SMC4: variants seen among roughly 807,000 people sequenced by gnomAD.
SMC4 encodes structural maintenance of chromosomes 4, also known as structural maintenance of chromosomes protein 4.
In SMC4, 87 loss-of-function variants were observed where a neutral mutation model predicts 145.6. The observed-to-expected ratio is 0.60, with a 90% CI of 0.50 to 0.71. The LOEUF (loss-of-function observed/expected upper bound fraction) is 0.71, where lower values mean the gene tolerates loss of function less well. Ranked by LOEUF, SMC4 falls within the 30% of genes least tolerant of loss-of-function variation. The pLI, the probability that SMC4 is intolerant of heterozygous loss-of-function variation, is 0.00. For synonymous variants in SMC4, 558 were observed against 500.7 expected (o/e 1.11, Z -1.53); for missense variants, 1,447 against 1,537.1 (o/e 0.94, Z 0.98).
At chr3:160,408,446 C>G (rs1715592269) in intron 5 of SMC4, among the ~76,000 whole-genome samples, 1 of 152,136 alleles carries the variant, frequency 6.6e-6, no homozygotes, top group Non-Finnish European at 1.5e-5. Context: ...CATTTAAGAC[C>G]TTGTTTCATA....
At chr3:160,418,717 A>G (rs968215564) in intron 11 of SMC4, among the ~76,000 whole-genome samples, 1 of 152,148 alleles carries the variant, frequency 6.6e-6, no homozygotes, top group African/African-American at 2.4e-5. Context: ...ATGCCAGTAC[A>G]GTAAGTAATA....
intron 3 of SMC4, 113 bp from the exon 4 acceptor site, chr3:160,402,563 T>A: frequency 9.4e-7 from 1 of 1,059,876 alleles, no homozygotes; most frequent in Non-Finnish European, 1.4e-6. Flanking sequence ...AACTTTTAAA[T>A]ACTTGCAGTT....
rs542979274 is a variant in SMC4, at chr3:160,434,425, A to G, written c.*616A>G. ...CTCGTAAGTTGAAAAATATCCCACTATAGTTGCTTCATGAGTATGAAGTAA... is the reference window on the plus strand; with the variant it reads ...CTCGTAAGTTGAAAAATATCCCACTGTAGTTGCTTCATGAGTATGAAGTAA... On this transcript the variant is annotated 3_prime_UTR_variant, in exon 24 of 24. Coordinates refer to ENST00000357388, the MANE Select transcript of SMC4 (RefSeq NM_001002800.3). The G allele has an allele frequency of 7.2e-5, 11 of 152,286 alleles. No homozygotes were observed. Among genetic ancestry groups the G allele is most frequent in the Non-Finnish European group, 1.3e-4 (9 of 68,038 alleles). 9.4% of individuals were successfully genotyped at this position (152,286 alleles called of 1,614,324 possible).
In SMC4 at chr3:160,404,571, G is replaced by A. The variant is rs373085568; in HGVS notation, c.687+67G>A. The stretch of plus-strand genomic sequence containing the variant: ...ACTTTTTTTTCTATAAAGCTAGGTT[G>A]GATGAATCCTACATTTTTGAGGCCT... On this transcript the variant is annotated intron_variant, in intron 5 of 23. Transcript: ENST00000357388. 52 of 1,485,098 alleles carry A rather than the reference G, an allele frequency of 3.5e-5. No individual in the cohort carries two copies. The African/African-American group carries it at 6.9e-4, about 20-fold the overall frequency. The allele number at this position is 1,485,098 out of a possible 1,614,324, so 92.0% of individuals were successfully genotyped here.
intron 2 of SMC4, 83 bp downstream of exon 2, chr3:160,401,048 T>G: frequency 1.5e-6 from 2 of 1,344,214 alleles, no homozygotes; most frequent in Non-Finnish European, 1.9e-6. Flanking sequence ...TGGCTGGGGT[T>G]GTTGAGCGCG....
At position 160,430,689 on chromosome 3, in the gene SMC4, G is replaced by A; in HGVS notation, c.2886G>A (p.Leu962=). The A allele has an allele frequency of 1.2e-6, 2 of 1,613,790 alleles. No individual in the cohort carries two copies. The highest frequency in any genetic ancestry group is 2.2e-5 in the East Asian group (1 of 44,830). The part of the protein sequence containing the change: ...EKEVDDLTAE[L]KSLEDKAAEV... Reference sequence around the variant, plus strand: ...AGGTGGATGACCTAACAGCAGAGCTGAAAAGTCTTGAGGACAAAGCAGCAG... The same window carrying A: ...AGGTGGATGACCTAACAGCAGAGCTAAAAAGTCTTGAGGACAAAGCAGCAG... Residue 962 remains leucine, a synonymous_variant, in exon 19 of 24, where the codon CTG becomes CTA. Transcript: ENST00000357388.
intron 2 of SMC4, among the ~76,000 whole-genome samples, chr3:160,401,369 A>T (rs1484314837): frequency 6.6e-6 from 1 of 151,978 alleles, no homozygotes; most frequent in Non-Finnish European, 1.5e-5. Flanking sequence ...CCCTAACCTC[A>T]CCTCCGTGGT....
intron 4 of SMC4, 173 bp from the exon 5 acceptor site, chr3:160,404,155 T>C (rs1715041597): frequency 5.2e-6 from 3 of 572,554 alleles, no homozygotes; most frequent in Non-Finnish European, 8.9e-6. Context: ...TGGAAAAGTA[T>C]CAATTCTTTG....
chr3:160,425,836 T>C (rs1409549465), intron 16 of SMC4, among the ~76,000 whole-genome samples: 2 of 152,198 alleles, frequency 1.3e-5, no homozygotes, highest in Admixed American at 1.3e-4. Flanking sequence ...ACTAGGGTGG[T>C]CTACATAAGT....
chr3:160,413,449 T>C (rs560178937), intron 7 of SMC4, 24 bp from the exon 8 acceptor site: 57 of 354,412 alleles, frequency 1.6e-4, no homozygotes, highest in African/African-American at 1.4e-3. Context: ...CTTCAATTTC[T>C]TTTTTTTTTT....
At position 160,402,064 on chromosome 3, in the gene SMC4, G is replaced by A; in HGVS notation, c.289G>A (p.Gly97Arg). ...IVNQNFKSYA[G>R]EKILGPFHKR... ...AAACCAGAACTTCAAATCCTATGCT[G>A]GGGAGAAAATTCTGGGACCTTTCCA... The change falls in exon 3 of 24, where the codon GGG (glycine) becomes AGG (arginine). Residue 97 changes from glycine to arginine, a missense_variant. Coordinates refer to ENST00000357388, the MANE Select transcript of SMC4 (RefSeq NM_001002800.3). 1 of 1,551,574 alleles carries A rather than the reference G, an allele frequency of 6.4e-7. No individual in the cohort carries two copies. Among genetic ancestry groups the A allele is most frequent in the South Asian group, 1.3e-5 (1 of 79,462 alleles).
chr3:160,413,351 C>A, intron 7 of SMC4, 122 bp from the exon 8 acceptor site: 1 of 903,866 alleles, frequency 1.1e-6, no homozygotes, highest in Non-Finnish European at 1.6e-6. Context: ...ATAGCCTAGG[C>A]AGTCATATAT....
At chr3:160,402,982 G>A in intron 4 of SMC4, 115 bp downstream of exon 4, 1 of 708,852 alleles carries the variant, frequency 1.4e-6, no homozygotes, top group South Asian at 2.3e-5. Flanking sequence ...GGAAAGCATT[G>A]GTTTCATTAT....
At chr3:160,427,401 G>C (rs1468002441) in intron 17 of SMC4, among the ~76,000 whole-genome samples, 1 of 152,204 alleles carries the variant, frequency 6.6e-6, no homozygotes, top group Non-Finnish European at 1.5e-5. Context: ...ATAAAGGACG[G>C]AAGAACCCAG....
chr3:160,403,470 A>G (rs1007684133), intron 4 of SMC4, among the ~76,000 whole-genome samples: 1 of 152,148 alleles, frequency 6.6e-6, no homozygotes, highest in Admixed American at 6.6e-5. Context: ...TAGGAAATTG[A>G]TTGTTCAAAA....
chr3:160,414,169 A>G, intron 8 of SMC4, 198 bp from the exon 9 acceptor site: 1 of 591,686 alleles, frequency 1.7e-6, no homozygotes, highest in South Asian at 1.5e-5. Flanking sequence ...TAGAAAGGCA[A>G]AATAGCTGTC....
intron 9 of SMC4, 31 bp from the exon 10 acceptor site, chr3:160,416,216 GATGT>G (rs1559999996): frequency 6.8e-7 from 1 of 1,464,214 alleles, no homozygotes; most frequent in Non-Finnish European, 9.2e-7. Flanking sequence ...GTAACATAAA[GATGT>G]ATGCTCCTAT....
At chr3:160,422,755 T>C (rs547601520) in intron 13 of SMC4, among the ~76,000 whole-genome samples, 1 of 152,324 alleles carries the variant, frequency 6.6e-6, no homozygotes, top group South Asian at 2.1e-4. Flanking sequence ...ATTTGCCTCC[T>C]TTGTTTTCTT....
At position 160,431,113 on chromosome 3, in the gene SMC4, C is replaced by G. The variant is rs760733002; in HGVS notation, c.3022C>G (p.Gln1008Glu). 7.5e-6 allele frequency: 12 copies of G among 1,606,802 alleles called. No individual in the cohort carries two copies. Among genetic ancestry groups the G allele is most frequent in the Non-Finnish European group, 1.0e-5 (12 of 1,177,748 alleles). ...KVIQENEHAL[Q>E]KDALSIKLKL... ...TATTCAAGAAAATGAACATGCTCTT[C>G]AAAAAGATGCACTTAGTATTAAGTT... is the stretch of plus-strand genomic sequence containing the variant. Residue 1008 changes from glutamine (Q) to glutamate (E), a missense_variant, in exon 20 of 24, where the codon CAA (glutamine) becomes GAA (glutamate). Gln to Glu is a conservative substitution (Grantham distance 29). Coordinates refer to ENST00000357388, the MANE Select transcript of SMC4 (RefSeq NM_001002800.3).
Sources: gnomAD v4.1 joint callset for allele counts (sites outside exome capture counted in the v4.1 genomes callset) on GRCh38, gnomAD v4.1.1 for gene constraint, MANE v1.5 for transcripts, NCBI Gene and HGNC (gene_info 2026-07-23, HGNC 2026-07-21) for gene names.